CCDC141: variants seen among roughly 807,000 people sequenced by gnomAD.
CCDC141 encodes the protein coiled-coil domain-containing protein 141.
CCDC141 carries 168 observed loss-of-function variants against 181.0 expected under a neutral mutation model. The observed-to-expected ratio is 0.93, with a 90% confidence interval of 0.82 to 1.05. CCDC141 has a LOEUF of 1.05. Among genes scored for constraint, CCDC141 ranks in the 50% least tolerant of loss-of-function variants. The pLI is 0.00. For missense variants in CCDC141, 1,902 were observed against 1,788.5 expected (o/e 1.06, Z -1.14); for synonymous variants, 666 against 642.3 (o/e 1.04, Z -0.56).
intron 2 of CCDC141, among the ~76,000 whole-genome samples, chr2:179,041,689 A>C (rs2043312418): frequency 6.6e-6 from 1 of 152,006 alleles, no homozygotes; most frequent in Admixed American, 6.5e-5. Flanking sequence ...GCAAAGACTC[A>C]CATAGGCTCA....
intron 5 of CCDC141, among the ~76,000 whole-genome samples, chr2:178,959,432 C>T (rs571719470): frequency 1.3e-5 from 2 of 151,942 alleles, no homozygotes; most frequent in Non-Finnish European, 2.9e-5. Flanking sequence ...AGACAGACAG[C>T]GAGGAGCAAG....
chr2:178,856,196 C>A, intron 18 of CCDC141, 61 bp downstream of exon 18: 1 of 1,375,728 alleles, frequency 7.3e-7, no homozygotes. Context: ...AACAATTTTG[C>A]AATAATTGTG....
At chr2:179,000,089 C>T (rs1026092560) in intron 2 of CCDC141, among the ~76,000 whole-genome samples, 1 of 149,852 alleles carries the variant, frequency 6.7e-6, no homozygotes, top group Non-Finnish European at 1.5e-5. Context: ...CACACACACA[C>T]ACACACACAA....
chr2:178,940,231 TG>T (rs34491158), intron 6 of CCDC141, among the ~76,000 whole-genome samples: 35,265 of 151,782 alleles, frequency 0.23, 5,479 homozygotes, highest in Non-Finnish European at 0.34. Flanking sequence ...AATAAAGAAA[TG>T]GGGGGAGGCA....
At chr2:178,985,361 G>A (rs1306444880) in intron 2 of CCDC141, among the ~76,000 whole-genome samples, 1 of 146,434 alleles carries the variant, frequency 6.8e-6, no homozygotes, top group Non-Finnish European at 1.5e-5. Context: ...ACAAGAGAAA[G>A]CAGGAAAGAT....
At chr2:179,047,001 G>A (rs915214162) in intron 2 of CCDC141, among the ~76,000 whole-genome samples, 2 of 151,834 alleles carry the variant, frequency 1.3e-5, no homozygotes, top group African/African-American at 4.8e-5. Context: ...AAATGATGGA[G>A]TTTTTTTCCC....
the CCDC141 span, among the ~76,000 whole-genome samples, chr2:178,816,245 T>A: frequency 2.6e-5 from 4 of 152,330 alleles, no homozygotes; most frequent in African/African-American, 9.6e-5. Flanking sequence ...GGTTTCTTAT[T>A]GTCTCTGTAC....
intron 5 of CCDC141, among the ~76,000 whole-genome samples, chr2:178,953,294 G>A (rs768633759): frequency 2.0e-5 from 3 of 152,080 alleles, no homozygotes; most frequent in Admixed American, 6.5e-5. Context: ...ACAATTAGCC[G>A]GGTGTGGTGG....
intron 2 of CCDC141, among the ~76,000 whole-genome samples, chr2:179,043,596 A>G (rs2043384623): frequency 6.6e-6 from 1 of 152,216 alleles, no homozygotes; most frequent in South Asian, 2.1e-4. Flanking sequence ...CTTAATAGAC[A>G]CACAAAAGGC....
intron 2 of CCDC141, among the ~76,000 whole-genome samples, chr2:179,039,033 T>G (rs1479042503): frequency 6.6e-6 from 1 of 152,116 alleles, no homozygotes; most frequent in African/African-American, 2.4e-5. Context: ...CAGGCAGATC[T>G]TCTTTACCTG....
chr2:179,000,906 T>A (rs1022343002), intron 2 of CCDC141, among the ~76,000 whole-genome samples: 1 of 152,234 alleles, frequency 6.6e-6, no homozygotes, highest in Admixed American at 6.5e-5. Flanking sequence ...CTTATCTGAC[T>A]TCCCCACTAA....
At chr2:178,828,041 C>G (rs1387636818), downstream of CCDC141, among the ~76,000 whole-genome samples, 1 of 152,162 alleles carries the variant, frequency 6.6e-6, no homozygotes. Flanking sequence ...GTACTGCCTC[C>G]TCCCTGTGTG....
intron 2 of CCDC141, among the ~76,000 whole-genome samples, chr2:178,984,953 G>A (rs1026944827): frequency 1.3e-5 from 2 of 150,136 alleles, no homozygotes; most frequent in Non-Finnish European, 3.0e-5. Context: ...ACTCAGCTCT[G>A]CACCAAGCGG....
chr2:178,872,072 G>A (rs970486858), intron 13 of CCDC141, 61 bp downstream of exon 13: 19 of 1,513,262 alleles, frequency 1.3e-5, no homozygotes, highest in Non-Finnish European at 1.4e-5. Flanking sequence ...TTCAAGGTTC[G>A]CTCATGTTAG....
intron 9 of CCDC141, among the ~76,000 whole-genome samples, chr2:178,888,300 G>T (rs1686981384): frequency 6.6e-6 from 1 of 152,206 alleles, no homozygotes; most frequent in Non-Finnish European, 1.5e-5. Flanking sequence ...AACTGCCTTT[G>T]TGTGTATACC....
At chr2:179,003,623 C>G (rs534574777) in intron 2 of CCDC141, among the ~76,000 whole-genome samples, 11 of 152,134 alleles carry the variant, frequency 7.2e-5, no homozygotes, top group Admixed American at 7.2e-4. Context: ...ATTTATCAAC[C>G]ACTTGTAGGG....
At chr2:179,048,892 TAAGTTA>T (rs1290026035) in intron 1 of CCDC141, among the ~76,000 whole-genome samples, 1 of 152,204 alleles carries the variant, frequency 6.6e-6, no homozygotes, top group African/African-American at 2.4e-5. Context: ...TCACAGCAAT[TAAGTTA>T]AAGTAAACAT....
At chr2:178,926,932 GA>G (rs997139011) in intron 6 of CCDC141, among the ~76,000 whole-genome samples, 1 of 152,074 alleles carries the variant, frequency 6.6e-6, no homozygotes, top group African/African-American at 2.4e-5. Flanking sequence ...TCACTTTAAA[GA>G]AAAAAGCTAA....
At chr2:178,984,796 G>A (rs1247230840) in intron 2 of CCDC141, among the ~76,000 whole-genome samples, 3 of 151,850 alleles carry the variant, frequency 2.0e-5, no homozygotes, top group African/African-American at 4.8e-5. Flanking sequence ...CCCAATACAG[G>A]AGCACCCAGA....
Sources: gnomAD v4.1 joint callset for allele counts (sites outside exome capture counted in the v4.1 genomes callset) on GRCh38, gnomAD v4.1.1 for gene constraint, MANE v1.5 for transcripts, NCBI Gene and HGNC (gene_info 2026-07-23, HGNC 2026-07-21) for gene names.